FSTL4: variants seen among roughly 807,000 people sequenced by gnomAD.
The protein encoded by FSTL4 is follistatin like 4.
In FSTL4, 28 loss-of-function variants were observed where a neutral mutation model predicts 78.2. The observed-to-expected ratio is 0.36, with a 90% CI of 0.27 to 0.49. The LOEUF (loss-of-function observed/expected upper bound fraction) is 0.49, where lower values mean the gene tolerates loss of function less well. Among genes scored for constraint, FSTL4 ranks in the 20% least tolerant of loss-of-function variants. The pLI is 0.98. For synonymous variants in FSTL4, 422 were observed against 440.5 expected, an observed-to-expected ratio of 0.96 and a Z score of 0.53; for missense variants, 922 against 1,084.9, an observed-to-expected ratio of 0.85 and a Z score of 2.11.
chr5:133,448,744 G>A lies in FSTL4; in HGVS notation c.161-47758C>T, dbSNP rs1046851664. On this transcript the variant is annotated intron_variant, in intron 3 of 15. Transcript: ENST00000265342. ...AATCCCCAGGGGTGCGGGGGCGGGG[G>A]GGGGGGGCGCTCAGAATTTTCCGCC... Among the ~76,000 whole-genome samples, 60 of 149,622 alleles carry A rather than the reference G, an allele frequency of 4.0e-4. 4 individuals are homozygous for A. The highest frequency in any genetic ancestry group is 7.9e-4 in the Non-Finnish European group (53 of 67,242).
chr5:133,402,666 GA>G (rs1049764235), intron 3 of FSTL4, among the ~76,000 whole-genome samples: 11 of 151,894 alleles, frequency 7.2e-5, no homozygotes, highest in African/African-American at 2.4e-4. Flanking sequence ...GATTTGAAAG[GA>G]AAAAAAATCA....
rs145922717 is a variant in FSTL4 at position 133,338,282 on chromosome 5, C to A, written c.410-21630G>T. On this transcript the variant is annotated intron_variant, in intron 4 of 15. Transcript: ENST00000265342. The surrounding 1 kb of genome is among the most constrained non-coding windows in gnomAD (Gnocchi z 4.0). ...TAGAGGCCCTGGTGGGGTGTGCTGA[C>A]CCATTTATGCCAGTGCACACTCTGG... Among the ~76,000 whole-genome samples the A allele has an allele frequency of 2.6e-5, 4 of 152,244 alleles. No individual in the cohort carries two copies. The highest frequency in any genetic ancestry group is 9.6e-5 in the African/African-American group (4 of 41,532).
At chr5:133,232,551 G>A (rs1420592049) in intron 8 of FSTL4, among the ~76,000 whole-genome samples, 1 of 152,196 alleles carries the variant, frequency 6.6e-6, no homozygotes, top group African/African-American at 2.4e-5. Flanking sequence ...ACCTTGGACT[G>A]TGAACTACAT....
chr5:133,484,945 GA>G (rs1356402016), intron 3 of FSTL4, among the ~76,000 whole-genome samples: 1 of 152,202 alleles, frequency 6.6e-6, no homozygotes, highest in Non-Finnish European at 1.5e-5. Context: ...TTGCTGCAGG[GA>G]AAGGTGCCAT....
At chr5:133,723,978 G>A in the FSTL4 span, among the ~76,000 whole-genome samples, 1 of 152,216 alleles carries the variant, frequency 6.6e-6, no homozygotes, top group Admixed American at 6.5e-5. Context: ...TGGGCATGTT[G>A]CAGTGGCAGC....
intron 3 of FSTL4, among the ~76,000 whole-genome samples, chr5:133,406,505 C>G (rs1232771863): frequency 6.6e-6 from 1 of 152,194 alleles, no homozygotes; most frequent in Admixed American, 6.5e-5. Flanking sequence ...AAGAGAGCAG[C>G]CCTCTCTGAG....
intron 3 of FSTL4, among the ~76,000 whole-genome samples, chr5:133,435,821 A>G (rs1757023212): frequency 6.6e-6 from 1 of 152,238 alleles, no homozygotes; most frequent in Non-Finnish European, 1.5e-5. Flanking sequence ...ATCACCATAA[A>G]ATGGCATCCC....
intron 2 of FSTL4, among the ~76,000 whole-genome samples, chr5:133,598,242 G>A (rs962452597): frequency 6.6e-6 from 1 of 151,990 alleles, no homozygotes; most frequent in Non-Finnish European, 1.5e-5. Context: ...AGGAGGCAGG[G>A]GGCTCCTCTA....
chr5:133,386,759 G>A (rs537229327), intron 4 of FSTL4, among the ~76,000 whole-genome samples: 8 of 152,244 alleles, frequency 5.3e-5, no homozygotes, highest in African/African-American at 1.4e-4. Context: ...AGGTGTGACC[G>A]AGAAATATGG....
At chr5:133,460,975 T>G (rs888674772) in intron 3 of FSTL4, among the ~76,000 whole-genome samples, 2 of 152,246 alleles carry the variant, frequency 1.3e-5, no homozygotes, top group African/African-American at 2.4e-5. Flanking sequence ...ATTAATTGTA[T>G]GTATAAAGTA....
chr5:133,199,776 CTTG>C lies in FSTL4; in HGVS notation c.1845_1847del (p.Asn615del), dbSNP rs1417969811. On this transcript the variant is annotated inframe_deletion, in exon 16 of 16. Coordinates refer to ENST00000265342, the MANE Select transcript of FSTL4 (RefSeq NM_015082.2). This position sits in a 1 kb window ranked among gnomAD's most constrained non-coding sequence, Gnocchi z 4.4. ...CCACCTTGTGGACTGCAGGATCAGA[CTTG>C]TTGAAGATGAAGCCAAACCTGGGAG... 6.4e-7 allele frequency: 1 copy of C among 1,554,562 alleles called. No homozygotes were observed. The highest frequency in any genetic ancestry group is 8.7e-7 in the Non-Finnish European group (1 of 1,145,300).
chr5:133,382,788 C>T (rs1018423655), intron 4 of FSTL4, among the ~76,000 whole-genome samples: 3 of 152,130 alleles, frequency 2.0e-5, no homozygotes, highest in Non-Finnish European at 2.9e-5. Flanking sequence ...CTGAGAAACA[C>T]ATTATTTCAG....
At chr5:133,812,387 C>T in the FSTL4 span, among the ~76,000 whole-genome samples, 2 of 152,232 alleles carry the variant, frequency 1.3e-5, no homozygotes, top group African/African-American at 2.4e-5. Context: ...CAAGTTCCCC[C>T]ATGATCTGTC....
intron 3 of FSTL4, among the ~76,000 whole-genome samples, chr5:133,408,328 C>G (rs1580689512): frequency 6.6e-6 from 1 of 152,166 alleles, no homozygotes; most frequent in Admixed American, 6.5e-5. Context: ...CTGCCAAGGT[C>G]TCTCATCTCT....
chr5:133,507,054 A>T (rs1758625050), intron 3 of FSTL4, among the ~76,000 whole-genome samples: 1 of 152,096 alleles, frequency 6.6e-6, no homozygotes, highest in Non-Finnish European at 1.5e-5. Flanking sequence ...CTAAAACTAC[A>T]AAAATTCGCT....
At chr5:133,769,478 G>A in the FSTL4 span, among the ~76,000 whole-genome samples, 6 of 152,200 alleles carry the variant, frequency 3.9e-5, no homozygotes, top group Non-Finnish European at 7.4e-5. Flanking sequence ...TTGACTTCCT[G>A]AACATGCCAC....
At chr5:133,488,156 C>A (rs1758174343) in intron 3 of FSTL4, among the ~76,000 whole-genome samples, 1 of 152,194 alleles carries the variant, frequency 6.6e-6, no homozygotes, top group African/African-American at 2.4e-5. Context: ...TGGTTTTTAA[C>A]TGGCATTTTA....
chr5:133,815,459 C>G, the FSTL4 span, among the ~76,000 whole-genome samples: 1 of 152,162 alleles, frequency 6.6e-6, no homozygotes, highest in African/African-American at 2.4e-5. Flanking sequence ...CTGAGGCTTT[C>G]TGGACTATTT....
At chr5:133,270,122 A>G (rs1415600575) in intron 6 of FSTL4, 1 of 152,182 alleles carries the variant, frequency 6.6e-6, no homozygotes, top group African/African-American at 2.4e-5. Flanking sequence ...CCACTCTCCA[A>G]GTGATTTAAC....
Sources: allele counts gnomAD v4.1 joint callset (sites outside exome capture counted in the v4.1 genomes callset), GRCh38; gene constraint gnomAD v4.1.1; non-coding constraint Gnocchi (gnomAD v3.1); transcripts MANE v1.5; gene names NCBI Gene and HGNC (gene_info 2026-07-23, HGNC 2026-07-21).